PRKN: variants seen among roughly 807,000 people sequenced by gnomAD.
PRKN encodes E3 ubiquitin-protein ligase parkin.
A neutral mutation model predicts 59.5 loss-of-function variants in PRKN; 56 were observed. The observed-to-expected ratio is 0.94, with a 90% CI of 0.76 to 1.18. The LOEUF (loss-of-function observed/expected upper bound fraction) is 1.18, where lower values mean the gene tolerates loss of function less well. Ranked by LOEUF, PRKN falls within the 50% of genes most tolerant of loss-of-function variation. PRKN has a pLI of 0.00. For synonymous variants in PRKN, 250 were observed against 222.1 expected, an observed-to-expected ratio of 1.13 and a Z score of -1.12; for missense variants, 657 against 596.4, an observed-to-expected ratio of 1.10 and a Z score of -1.06.
At chr6:161,732,483 T>TGTGTGTGTGTGTGTGTGTGTG (rs1398832020) in intron 7 of PRKN, among the ~76,000 whole-genome samples, 270 of 140,236 alleles carry the variant, frequency 1.9e-3, no homozygotes, top group African/African-American at 7.8e-3. Flanking sequence ...GGTTTTTTTT[T>TGTGTGTGTGTGTGTGTGTGTG]TTTGTGTGTG....
chr6:162,040,924 A>C (rs1213771931), intron 5 of PRKN, among the ~76,000 whole-genome samples: 1 of 151,284 alleles, frequency 6.6e-6, no homozygotes, highest in African/African-American at 2.4e-5. Context: ...GAGGGAAGAT[A>C]TGAATACCAT....
intron 7 of PRKN, among the ~76,000 whole-genome samples, chr6:161,774,229 G>T (rs962644724): frequency 8.5e-5 from 13 of 152,054 alleles, no homozygotes; most frequent in Admixed American, 5.9e-4. Context: ...TTGCAAGCAG[G>T]GAGAGGAAAG....
intron 6 of PRKN, among the ~76,000 whole-genome samples, chr6:161,947,749 T>A (rs983255611): frequency 6.6e-6 from 1 of 152,214 alleles, no homozygotes; most frequent in African/African-American, 2.4e-5. Flanking sequence ...GTAGAATTAT[T>A]TTTTAAATGA....
At chr6:162,630,470 T>C (rs1783065714) in intron 1 of PRKN, among the ~76,000 whole-genome samples, 1 of 152,136 alleles carries the variant, frequency 6.6e-6, no homozygotes, top group Admixed American at 6.6e-5. Context: ...CATCAATCGT[T>C]GACAACGTAA....
intron 1 of PRKN, among the ~76,000 whole-genome samples, chr6:162,710,414 C>CACACACA (rs759309558): frequency 6.7e-6 from 1 of 149,988 alleles, no homozygotes; most frequent in South Asian, 2.1e-4. Flanking sequence ...CACACACACA[C>CACACACA]AACTGTTTGG....
intron 7 of PRKN, among the ~76,000 whole-genome samples, chr6:161,725,206 C>T (rs973745810): frequency 4.6e-5 from 7 of 152,054 alleles, no homozygotes; most frequent in Admixed American, 1.3e-4. Context: ...CGGCCTAACA[C>T]GGTGGATAAA....
chr6:162,238,118 G>C (rs1778820700), intron 3 of PRKN, among the ~76,000 whole-genome samples: 1 of 152,130 alleles, frequency 6.6e-6, no homozygotes, highest in African/African-American at 2.4e-5. Flanking sequence ...TATGTGTTTG[G>C]TATTTTAAAT....
intron 3 of PRKN, among the ~76,000 whole-genome samples, chr6:162,220,721 G>A (rs1777889197): frequency 6.6e-6 from 1 of 152,194 alleles, no homozygotes; most frequent in Admixed American, 6.5e-5. Context: ...GACACAGAAT[G>A]GTCTACTCAT....
At chr6:161,786,153 C>G (rs1245141020) in intron 6 of PRKN, among the ~76,000 whole-genome samples, 5 of 152,178 alleles carry the variant, frequency 3.3e-5, no homozygotes, top group African/African-American at 9.7e-5. Flanking sequence ...ATTTATCAAT[C>G]TTTTGATTAA....
chr6:162,285,266 A>ATT (rs11392809), intron 2 of PRKN, among the ~76,000 whole-genome samples: 2,447 of 95,854 alleles, frequency 0.026, 91 homozygotes, highest in South Asian at 0.037. Flanking sequence ...TATTTTGGAG[A>ATT]TTTTTTTTTT....
chr6:161,431,036 G>A (rs1305087559), intron 9 of PRKN, among the ~76,000 whole-genome samples: 1 of 151,400 alleles, frequency 6.6e-6, no homozygotes, highest in Non-Finnish European at 1.5e-5. Context: ...CTACTCAGGA[G>A]GTTGAGACAG....
At chr6:161,968,672 T>C (rs1287676324) in intron 6 of PRKN, among the ~76,000 whole-genome samples, 2 of 152,230 alleles carry the variant, frequency 1.3e-5, no homozygotes, top group African/African-American at 2.4e-5. Context: ...TACATATATA[T>C]ACACATAAGT....
chr6:161,886,756 A>AATAAT (rs1554241162), intron 6 of PRKN, among the ~76,000 whole-genome samples: 4 of 146,358 alleles, frequency 2.7e-5, no homozygotes, highest in African/African-American at 1.0e-4. Context: ...TAAAATAAAA[A>AATAAT]AAAATAAAAT....
intron 2 of PRKN, among the ~76,000 whole-genome samples, chr6:162,274,214 A>C (rs904281276): frequency 1.3e-5 from 2 of 150,548 alleles, no homozygotes; most frequent in Non-Finnish European, 2.9e-5. Flanking sequence ...TTGTGAGACC[A>C]GGTCTCCCTC....
intron 2 of PRKN, among the ~76,000 whole-genome samples, chr6:162,266,776 A>G (rs1037447760): frequency 6.6e-5 from 10 of 152,200 alleles, no homozygotes; most frequent in East Asian, 5.8e-4. Flanking sequence ...ATCCGCAATG[A>G]TACATCGTTG....
At chr6:162,629,977 G>A (rs982579562) in intron 1 of PRKN, among the ~76,000 whole-genome samples, 2 of 152,044 alleles carry the variant, frequency 1.3e-5, no homozygotes, top group Non-Finnish European at 2.9e-5. Flanking sequence ...TATCCAATTG[G>A]ATAAACTACC....
chr6:161,492,040 A>G lies in PRKN; in HGVS notation c.1083+56814T>C, dbSNP rs1030141510. On this transcript the variant is annotated intron_variant, in intron 9 of 11. Transcript: ENST00000366898. ...AATTAAGTAAGGTAAAACTCATAAG[A>G]CATATAAGAACTGCCATCAAGTAAA... 3.5e-4 allele frequency among the ~76,000 whole-genome samples: 54 copies of G among 152,208 alleles called. 2 individuals are homozygous for G.
chr6:161,886,505 T>A (rs1208589352), intron 6 of PRKN, among the ~76,000 whole-genome samples: 1 of 152,038 alleles, frequency 6.6e-6, no homozygotes, highest in African/African-American at 2.4e-5. Flanking sequence ...GAGACCAGCC[T>A]GACCAACACA....
intron 7 of PRKN, among the ~76,000 whole-genome samples, chr6:161,680,757 ATATATATATATATATATAT>A (rs1374327628): frequency 0.017 from 242 of 14,168 alleles, 12 homozygotes; most frequent in African/African-American, 0.029. Flanking sequence ...ATATATATAT[ATATATATATATATATATAT>A]TTTTTTTTTT....
Sources: allele counts gnomAD v4.1 joint callset (sites outside exome capture counted in the v4.1 genomes callset), GRCh38; gene constraint gnomAD v4.1.1; transcripts MANE v1.5; gene names NCBI Gene and HGNC (gene_info 2026-07-23, HGNC 2026-07-21).